The following MAP2K4 variants were observed in gnomAD, a reference collection of about 807,000 sequenced individuals.
MAP2K4 encodes the protein mitogen-activated protein kinase kinase 4, also known as dual specificity mitogen-activated protein kinase kinase 4.
MAP2K4 carries 4 observed loss-of-function variants against 48.5 expected under a neutral mutation model. The ratio of observed to expected loss-of-function variants is 0.08; its 90% CI spans 0.04 to 0.19. The LOEUF is 0.19. MAP2K4 is among the 10% of genes least tolerant of loss of function. The pLI, the probability that MAP2K4 is intolerant of heterozygous loss-of-function variation, is 1.00. For missense variants in MAP2K4, 258 were observed against 493.3 expected (o/e 0.52, Z 4.52); for synonymous variants, 166 against 173.1 (o/e 0.96, Z 0.32).
chr17:12,070,555 A>G (rs912732564), intron 2 of MAP2K4, among the ~76,000 whole-genome samples: 2 of 152,212 alleles, frequency 1.3e-5, no homozygotes, highest in Non-Finnish European at 2.9e-5. Flanking sequence ...GCATAATTAT[A>G]AATGTAAAAG....
chr17:12,042,657 A>AACAG (rs1363454132), intron 1 of MAP2K4, among the ~76,000 whole-genome samples: 1 of 150,282 alleles, frequency 6.7e-6, no homozygotes, highest in African/African-American at 2.4e-5. Flanking sequence ...CAAACAAACA[A>AACAG]AAAACTGTGA....
chr17:12,143,017 A>T lies in MAP2K4; in HGVS notation c.*1757A>T, dbSNP rs1482585604. ...TGCTGTTTAAAGTCACATCCCTGTAAATTGCAGAATTCAAAAGTGATTATC... is the reference window on the plus strand; with the variant it reads ...TGCTGTTTAAAGTCACATCCCTGTATATTGCAGAATTCAAAAGTGATTATC... On this transcript the variant is annotated 3_prime_UTR_variant, in exon 11 of 11. Transcript: ENST00000353533. The T allele has an allele frequency of 4.3e-6, 1 of 232,880 alleles. No homozygotes were observed. Among genetic ancestry groups the T allele is most frequent in the Non-Finnish European group, 8.5e-6 (1 of 117,866 alleles). The allele number at this position is 232,880 out of a possible 1,614,324, so 14.4% of individuals were successfully genotyped here.
At chr17:12,066,279 A>T (rs552809165) in intron 2 of MAP2K4, among the ~76,000 whole-genome samples, 2 of 152,196 alleles carry the variant, frequency 1.3e-5, no homozygotes, top group African/African-American at 4.8e-5. Context: ...GCAGAAAGTT[A>T]TAAAACAAAA....
chr17:12,125,993 GGAGA>G (rs1972839248), intron 8 of MAP2K4, among the ~76,000 whole-genome samples: 1 of 151,978 alleles, frequency 6.6e-6, no homozygotes, highest in African/African-American at 2.4e-5. Flanking sequence ...CAGGAGCAGG[GGAGA>G]GAGAGAGTGA....
At chr17:12,084,036 C>T (rs1971280507) in intron 3 of MAP2K4, among the ~76,000 whole-genome samples, 1 of 152,216 alleles carries the variant, frequency 6.6e-6, no homozygotes, top group Non-Finnish European at 1.5e-5. Flanking sequence ...TTAAGATTTA[C>T]TTGCAATATC....
rs771988128 is a variant in MAP2K4, at chr17:12,143,652, A to G, written c.*2392A>G. Reference sequence around the variant, plus strand: ...TGAATTCCTCCTCTATTTAAGATATATACATGGAATCGAAGTGTTTATGTA... The same window carrying G: ...TGAATTCCTCCTCTATTTAAGATATGTACATGGAATCGAAGTGTTTATGTA... On this transcript the variant is annotated 3_prime_UTR_variant, in exon 11 of 11. Transcript: ENST00000353533. 7 of 231,048 alleles carry G rather than the reference A, an allele frequency of 3.0e-5. No individual in the cohort carries two copies. Among genetic ancestry groups the G allele is most frequent in the Non-Finnish European group, 6.0e-5 (7 of 116,712 alleles). 14.3% of individuals were successfully genotyped at this position (231,048 alleles called of 1,614,324 possible). A position where few individuals can be genotyped will look rare whatever the true frequency, so the allele number is the denominator to read the frequency against.
At chr17:12,049,680 C>G (rs936169015) in intron 1 of MAP2K4, among the ~76,000 whole-genome samples, 3 of 152,088 alleles carry the variant, frequency 2.0e-5, no homozygotes, top group Non-Finnish European at 2.9e-5. Context: ...GCTGCAAGGC[C>G]TCATAAAGGG....
chr17:12,090,650 T>C (rs1971532357), intron 3 of MAP2K4, among the ~76,000 whole-genome samples: 1 of 152,010 alleles, frequency 6.6e-6, no homozygotes, highest in Non-Finnish European at 1.5e-5. Flanking sequence ...CACTATCCCT[T>C]CTCCCTGTCT....
chr17:12,069,426 C>T (rs1370570001), intron 2 of MAP2K4, among the ~76,000 whole-genome samples: 1 of 152,088 alleles, frequency 6.6e-6, no homozygotes, highest in Non-Finnish European at 1.5e-5. Context: ...CAACATGATG[C>T]AAACATGAAT....
chr17:12,102,065 A>G (rs1393739487), intron 4 of MAP2K4, among the ~76,000 whole-genome samples: 3 of 152,068 alleles, frequency 2.0e-5, no homozygotes, highest in African/African-American at 7.2e-5. Flanking sequence ...GAGAGTAGAC[A>G]TCCTTGTTTT....
At position 12,095,889 on chromosome 17, in the gene MAP2K4, G is replaced by A. The variant is rs560640723; in HGVS notation, c.513+195G>A. Among the ~76,000 whole-genome samples the A allele has an allele frequency of 3.0e-3, 350 of 115,284 alleles. 5 individuals carry two copies. Among genetic ancestry groups the A allele is most frequent in the African/African-American group, 9.9e-3 (311 of 31,272 alleles). The allele number at this position is 115,284 out of a possible 152,430, so 75.6% of individuals were successfully genotyped here. A position where few individuals can be genotyped will look rare whatever the true frequency, so the allele number is the denominator to read the frequency against. Reference sequence around the variant, plus strand: ...GTGGTGGGTAAGGGGTGAATCACACGTGTGTTTGTGTGTGTGTGTGTGTGT... The same window carrying A: ...GTGGTGGGTAAGGGGTGAATCACACATGTGTTTGTGTGTGTGTGTGTGTGT... On this transcript the variant is annotated intron_variant, in intron 4 of 10. Coordinates refer to ENST00000353533, the MANE Select transcript of MAP2K4 (RefSeq NM_003010.4).
rs899306678 is a variant in MAP2K4 at position 12,141,485 on chromosome 17, G to C, written c.*225G>C. ...GTGCTGGTCAGAGAGACCTCATCCT[G>C]CTCTTTTGTGATGAACATATTCATG... On this transcript the variant is annotated 3_prime_UTR_variant, in exon 11 of 11. Transcript: ENST00000353533. 1.9e-6 allele frequency: 1 copy of C among 527,988 alleles called. No individual in the cohort carries two copies. The highest frequency in any genetic ancestry group is 3.4e-6 in the Non-Finnish European group (1 of 295,660). The allele number at this position is 527,988 out of a possible 1,614,324, so 32.7% of individuals were successfully genotyped here.
At chr17:12,093,507 C>A (rs559888231) in intron 3 of MAP2K4, among the ~76,000 whole-genome samples, 2 of 152,048 alleles carry the variant, frequency 1.3e-5, no homozygotes, top group Non-Finnish European at 2.9e-5. Context: ...AATATGCTTC[C>A]TAGTTGAAAT....
intron 3 of MAP2K4, among the ~76,000 whole-genome samples, chr17:12,084,061 CTGTGA>C (rs1400863319): frequency 1.3e-5 from 2 of 152,152 alleles, no homozygotes; most frequent in Non-Finnish European, 2.9e-5. Context: ...GAAAAGTGAA[CTGTGA>C]TATTAGCTTG....
chr17:12,044,420 A>T (rs1969892278), intron 1 of MAP2K4, among the ~76,000 whole-genome samples: 1 of 152,212 alleles, frequency 6.6e-6, no homozygotes, highest in Non-Finnish European at 1.5e-5. Flanking sequence ...ATTGAAGTGC[A>T]GAAGAGTTAA....
At chr17:12,060,729 G>GGGTGTT (rs1970422330) in intron 2 of MAP2K4, among the ~76,000 whole-genome samples, 1 of 103,420 alleles carries the variant, frequency 9.7e-6, no homozygotes, top group African/African-American at 2.9e-5. Flanking sequence ...ATACTATGGG[G>GGGTGTT]TGTGTGTGTG....
chr17:12,123,978 A>G (rs182093062), intron 7 of MAP2K4, among the ~76,000 whole-genome samples: 59 of 152,264 alleles, frequency 3.9e-4, no homozygotes, highest in African/African-American at 1.4e-3. Flanking sequence ...GTTTGGGGAA[A>G]ATGTTGATCT....
chr17:12,115,713 A>T (rs1972469264), intron 7 of MAP2K4: 1 of 763,738 alleles, frequency 1.3e-6, no homozygotes. Flanking sequence ...CAACTCACCA[A>T]GCTGGGAAAA....
intron 1 of MAP2K4, among the ~76,000 whole-genome samples, chr17:12,047,098 T>TC (rs1969990054): frequency 6.6e-6 from 1 of 152,168 alleles, no homozygotes. Flanking sequence ...ATTTTTTTTT[T>TC]CTACCCAAGA....
Sources: gnomAD v4.1 joint callset for allele counts (sites outside exome capture counted in the v4.1 genomes callset) on GRCh38, gnomAD v4.1.1 for gene constraint, MANE v1.5 for transcripts, NCBI Gene and HGNC (gene_info 2026-07-23, HGNC 2026-07-21) for gene names.